The following VPS33B variants were observed in gnomAD, a reference collection of about 807,000 sequenced individuals.
The protein encoded by VPS33B is VPS33B late endosome and lysosome associated, also known as vacuolar protein sorting-associated protein 33B.
VPS33B carries 80 observed loss-of-function variants against 95.3 expected under a neutral mutation model. The ratio of observed to expected loss-of-function variants is 0.84; its 90% CI spans 0.70 to 1.01. VPS33B has a LOEUF of 1.01. Among genes scored for constraint, VPS33B ranks in the 50% least tolerant of loss-of-function variants. VPS33B has a pLI of 0.00. For missense variants in VPS33B, 715 were observed against 773.4 expected (o/e 0.92, Z 0.90); for synonymous variants, 280 against 280.4 (o/e 1.00, Z 0.01).
rs1406771267 is a variant in VPS33B, at chr15:91,015,722, T to G, written c.239+1241A>C. 6.6e-6 allele frequency among the ~76,000 whole-genome samples: 1 copy of G among 150,678 alleles called. No homozygotes were observed. The highest frequency in any genetic ancestry group is 1.5e-5 in the Non-Finnish European group (1 of 67,836). ...GCTGCACACTTGTAATCCCAGTTAC[T>G]CAGGAGACTGAGGTAGGAGGATCCC... On this transcript the variant is annotated intron_variant, in intron 3 of 22. Coordinates refer to ENST00000333371, the MANE Select transcript of VPS33B (RefSeq NM_018668.5). This position sits in a 1 kb window ranked among gnomAD's most constrained non-coding sequence, Gnocchi z 4.7.
In VPS33B at chr15:91,008,680, C is replaced by T. The variant is rs2040686993; in HGVS notation, c.404-716G>A. 2.6e-5 allele frequency among the ~76,000 whole-genome samples: 4 copies of T among 152,302 alleles called. No homozygotes were observed. The South Asian group carries it at 8.3e-4, about 32-fold the overall frequency. On this transcript the variant is annotated intron_variant, in intron 6 of 22. Transcript: ENST00000333371. Reference sequence around the variant, plus strand: ...CATGCTCCCAACCTTCTGGAGCTTACAGTCTAGTGAGGGAGACACACCAGA... The same window carrying T: ...CATGCTCCCAACCTTCTGGAGCTTATAGTCTAGTGAGGGAGACACACCAGA...
Position 91,022,503 on chromosome 15 carries a change from C to T in VPS33B, c.-254G>A. On this transcript the variant is annotated 5_prime_UTR_variant, in exon 1 of 23. Coordinates refer to ENST00000333371, the MANE Select transcript of VPS33B (RefSeq NM_018668.5). ...CTCGACCCTCCCTCCCTGATCCACT[C>T]TGCCCGTCAGCAGGATTCCGGTCTA... 5.2e-6 allele frequency: 2 copies of T among 384,914 alleles called. No homozygotes were observed. The highest frequency in any genetic ancestry group is 9.4e-6 in the Non-Finnish European group (2 of 212,474). 23.8% of individuals were successfully genotyped at this position (384,914 alleles called of 1,614,324 possible).
downstream of VPS33B, chr15:90,998,618 TC>T (rs2040341322): frequency 5.5e-6 from 2 of 363,184 alleles, no homozygotes; most frequent in Non-Finnish European, 1.1e-5. This position sits in a 1 kb window ranked among gnomAD's most constrained non-coding sequence, Gnocchi z 4.8. Context: ...TGTAGCAAGC[TC>T]CAATGGGCTT....
chr15:91,001,838 T>C (rs1388989716), intron 18 of VPS33B, among the ~76,000 whole-genome samples: 1 of 152,192 alleles, frequency 6.6e-6, no homozygotes. Context: ...CTTTGTGAGA[T>C]TAAATGAGAA....
Position 91,006,625 on chromosome 15 carries a change from CAAG to C in VPS33B, c.778+24_778+26del. ...AAGGCTGATGACCCGTCCATCTTGC[CAAG>C]ATGCAGAGGACCATAGCACTTACCA... On this transcript the variant is annotated intron_variant, in intron 10 of 22. Transcript: ENST00000333371. The surrounding 1 kb of genome is among the most constrained non-coding windows in gnomAD (Gnocchi z 5.4). 1 of 1,614,152 alleles carries C rather than the reference CAAG, an allele frequency of 6.2e-7. No homozygotes were observed. The highest frequency in any genetic ancestry group is 1.1e-5 in the South Asian group (1 of 91,086).
rs1043702493 is a variant in VPS33B at position 91,006,925 on chromosome 15, G to T, written c.700+25C>A. On this transcript the variant is annotated intron_variant, in intron 9 of 22. Transcript: ENST00000333371. The surrounding 1 kb of genome is among the most constrained non-coding windows in gnomAD (Gnocchi z 5.4). ...CCCGTGTCTTCTAGGGCTGAAAGAT[G>T]ACAGGAACGCTGGGCATAATTTACC... The T allele has an allele frequency of 5.6e-6, 9 of 1,613,278 alleles. No individual in the cohort carries two copies. Among genetic ancestry groups the T allele is most frequent in the Non-Finnish European group, 7.6e-6 (9 of 1,179,422 alleles).
In VPS33B at chr15:91,000,957, A is replaced by G; in HGVS notation, c.1480-366T>C. 2.8e-6 allele frequency: 1 copy of G among 362,756 alleles called. No homozygotes were observed. The highest frequency in any genetic ancestry group is 2.4e-5 in the South Asian group (1 of 41,898). 22.5% of individuals were successfully genotyped at this position (362,756 alleles called of 1,614,324 possible). On this transcript the variant is annotated intron_variant, in intron 19 of 22. Coordinates refer to ENST00000333371, the MANE Select transcript of VPS33B (RefSeq NM_018668.5). This position sits in a 1 kb window ranked among gnomAD's most constrained non-coding sequence, Gnocchi z 4.9. Reference sequence around the variant, plus strand: ...TAAATGAATGAATCTACCATGCTATAAGACTACCAAACAAAAGAATCTTTA... The same window carrying G: ...TAAATGAATGAATCTACCATGCTATGAGACTACCAAACAAAAGAATCTTTA...
Position 91,006,898 on chromosome 15 carries a change from T to G in VPS33B, c.700+52A>C. 2 of 1,611,094 alleles carry G rather than the reference T, an allele frequency of 1.2e-6. No individual in the cohort carries two copies. The highest frequency in any genetic ancestry group is 1.7e-6 in the Non-Finnish European group (2 of 1,177,360). ...TAACTTTGCCACCACGCCTTCCATA[T>G]TCCCGTGTCTTCTAGGGCTGAAAGA... On this transcript the variant is annotated intron_variant, in intron 9 of 22. Coordinates refer to ENST00000333371, the MANE Select transcript of VPS33B (RefSeq NM_018668.5). This position sits in a 1 kb window ranked among gnomAD's most constrained non-coding sequence, Gnocchi z 5.4.
chr15:91,009,598 G>A lies in VPS33B; in HGVS notation c.403+203C>T, dbSNP rs932101189. ...TGGGATTACAGGCATGAGCCACTGCGCCCAGCCCCCAGTAGTGTTCTAATT... is the reference window on the plus strand; with the variant it reads ...TGGGATTACAGGCATGAGCCACTGCACCCAGCCCCCAGTAGTGTTCTAATT... On this transcript the variant is annotated intron_variant, in intron 6 of 22. Coordinates refer to ENST00000333371, the MANE Select transcript of VPS33B (RefSeq NM_018668.5). The surrounding 1 kb of genome is among the most constrained non-coding windows in gnomAD (Gnocchi z 4.1). Among the ~76,000 whole-genome samples, 3 of 150,896 alleles carry A rather than the reference G, an allele frequency of 2.0e-5. No homozygotes were observed. The highest frequency in any genetic ancestry group is 2.1e-4 in the South Asian group (1 of 4,778).
Position 91,009,673 on chromosome 15 carries a change from C to G in VPS33B, c.403+128G>C. The stretch of plus-strand genomic sequence containing the variant: ...CTCAGGAACCTCTCCTCCTGCTACA[C>G]TAACAGGAATAAGACCAGGAAAAGA... On this transcript the variant is annotated intron_variant, in intron 6 of 22. Transcript: ENST00000333371. This position sits in a 1 kb window ranked among gnomAD's most constrained non-coding sequence, Gnocchi z 4.1. 2 of 968,074 alleles carry G rather than the reference C, an allele frequency of 2.1e-6. No individual in the cohort carries two copies. Among genetic ancestry groups the G allele is most frequent in the Non-Finnish European group, 3.1e-6 (2 of 654,616 alleles). 60.0% of individuals were successfully genotyped at this position (968,074 alleles called of 1,614,324 possible).
rs1012612971 is a variant in VPS33B, at chr15:91,015,350, T to A, written c.240-917A>T. On this transcript the variant is annotated intron_variant, in intron 3 of 22. Transcript: ENST00000333371. This position sits in a 1 kb window ranked among gnomAD's most constrained non-coding sequence, Gnocchi z 4.7. ...AAACTCCGTCTCAAAAAAAATAAAATAAAATAAAATAATAATAAATAATAA... is the reference window on the plus strand; with the variant it reads ...AAACTCCGTCTCAAAAAAAATAAAAAAAAATAAAATAATAATAAATAATAA... Among the ~76,000 whole-genome samples the A allele has an allele frequency of 3.4e-3, 517 of 150,692 alleles. 1 individual carries two copies. The highest frequency in any genetic ancestry group is 0.012 in the African/African-American group (491 of 41,074).
In VPS33B at chr15:91,022,574, A is replaced by G. The variant is rs11073967; in HGVS notation, c.-325T>C. On this transcript the variant is annotated 5_prime_UTR_variant, in exon 1 of 23. Coordinates refer to ENST00000333371, the MANE Select transcript of VPS33B (RefSeq NM_018668.5). ...GCGTACGAGGAGAACCCCGCCTTCT[A>G]CCAGAAAAAGAAGCGACTTCCTAGA... 120,877 of 221,892 alleles carry G rather than the reference A, an allele frequency of 0.54. 38,641 individuals carry two copies. Among genetic ancestry groups the G allele is most frequent in the East Asian group, 0.99 (11,645 of 11,704 alleles). The allele number at this position is 221,892 out of a possible 1,614,324, so 13.7% of individuals were successfully genotyped here. A position where few individuals can be genotyped will look rare whatever the true frequency, so the allele number is the denominator to read the frequency against.
rs1291562680 is a variant in VPS33B, at chr15:91,002,136, G to A, written c.1319C>T (p.Ala440Val). The A allele has an allele frequency of 4.3e-6, 7 of 1,614,094 alleles. No individual in the cohort carries two copies. Among genetic ancestry groups the A allele is most frequent in the Admixed American group, 1.7e-5 (1 of 60,004 alleles). Residue 440 changes from alanine to valine, a missense_variant, in exon 18 of 23, where the codon GCT (alanine) becomes GTT (valine). Coordinates refer to ENST00000333371, the MANE Select transcript of VPS33B (RefSeq NM_018668.5). The surrounding 1 kb of genome is among the most constrained non-coding windows in gnomAD (Gnocchi z 4.7). Reference sequence around the variant, plus strand: ...GGGGGCCTGCTCCGTTAGGAGCCCAGCTCTTCGCAGATTGGAGAAGGTTAG... The same window carrying A: ...GGGGGCCTGCTCCGTTAGGAGCCCAACTCTTCGCAGATTGGAGAAGGTTAG... ...HLLTFSNLRR[A>V]GLLTEQAPGD... is the part of the protein sequence containing the mutation.
upstream of VPS33B, chr15:91,022,610 G>A: frequency 5.8e-6 from 1 of 172,012 alleles, no homozygotes; most frequent in African/African-American, 2.4e-5. Flanking sequence ...TCTCCCGGAA[G>A]TCCCTTTCGC....
At position 91,011,504 on chromosome 15, in the gene VPS33B, A is replaced by G. The variant is rs986975907; in HGVS notation, c.358-1658T>C. On this transcript the variant is annotated intron_variant, in intron 5 of 22. Coordinates refer to ENST00000333371, the MANE Select transcript of VPS33B (RefSeq NM_018668.5). The surrounding 1 kb of genome is among the most constrained non-coding windows in gnomAD (Gnocchi z 5.5). ...TCCAGAGCCAGGTCTGAAAACTGCC[A>G]ATCTTCATAATTAACAAAGGAGTCT... is the stretch of plus-strand genomic sequence containing the variant. Among the ~76,000 whole-genome samples the G allele has an allele frequency of 6.6e-6, 1 of 152,244 alleles. No homozygotes were observed. Among genetic ancestry groups the G allele is most frequent in the African/African-American group, 2.4e-5 (1 of 41,470 alleles).
rs1162711794 is a variant in VPS33B at position 91,005,297 on chromosome 15, G to A, written c.1105+83C>T. On this transcript the variant is annotated intron_variant, in intron 14 of 22. Transcript: ENST00000333371. This position sits in a 1 kb window ranked among gnomAD's most constrained non-coding sequence, Gnocchi z 6.4. ...CCAGTGTCAGCTGGAAAGAGCCAGA[G>A]AACATCTTTTAAGGGTGGGACGGGG... 1 of 1,589,694 alleles carries A rather than the reference G, an allele frequency of 6.3e-7. No homozygotes were observed. The highest frequency in any genetic ancestry group is 8.6e-7 in the Non-Finnish European group (1 of 1,160,028).
At position 91,007,984 on chromosome 15, in the gene VPS33B, C is replaced by G. The variant is rs759113139; in HGVS notation, c.404-20G>C. 1.2e-6 allele frequency: 2 copies of G among 1,612,498 alleles called. No homozygotes were observed. Among genetic ancestry groups the G allele is most frequent in the Admixed American group, 1.7e-5 (1 of 60,018 alleles). ...TCACATCTGTGGGGACAGAGAGCAT[C>G]AGCCTCCCTGCAGAAGGTACTTAGC... On this transcript the variant is annotated intron_variant, in intron 6 of 22. Coordinates refer to ENST00000333371, the MANE Select transcript of VPS33B (RefSeq NM_018668.5). The surrounding 1 kb of genome is among the most constrained non-coding windows in gnomAD (Gnocchi z 5.3).
Position 91,000,102 on chromosome 15 carries a change from AGGTGTGGTGGCTCACGCCT to A in VPS33B, c.1582-146_1582-128del. On this transcript the variant is annotated intron_variant, in intron 20 of 22. Transcript: ENST00000333371. This position sits in a 1 kb window ranked among gnomAD's most constrained non-coding sequence, Gnocchi z 4.9. ...AGTAGCAAAAAGTTGAGACAGGGCC[AGGTGTGGTGGCTCACGCCT>A]GTAATTCCAACACTTTAGGAGTTTG... 1.7e-6 allele frequency: 2 copies of A among 1,186,158 alleles called. No homozygotes were observed. The highest frequency in any genetic ancestry group is 2.4e-6 in the Non-Finnish European group (2 of 816,624). 73.5% of individuals were successfully genotyped at this position (1,186,158 alleles called of 1,614,324 possible). A position where few individuals can be genotyped will look rare whatever the true frequency, so the allele number is the denominator to read the frequency against.
chr15:91,006,861 A>G lies in VPS33B; in HGVS notation c.700+89T>C. 6.3e-7 allele frequency: 1 copy of G among 1,598,284 alleles called. No homozygotes were observed. The highest frequency in any genetic ancestry group is 8.6e-7 in the Non-Finnish European group (1 of 1,165,986). On this transcript the variant is annotated intron_variant, in intron 9 of 22. Coordinates refer to ENST00000333371, the MANE Select transcript of VPS33B (RefSeq NM_018668.5). The surrounding 1 kb of genome is among the most constrained non-coding windows in gnomAD (Gnocchi z 5.4). ...CTCAAAGCTGGGATTCACAGCCCTA[A>G]CTTTAGGATTTTAACTTTGCCACCA...
Sources: allele counts gnomAD v4.1 joint callset (sites outside exome capture counted in the v4.1 genomes callset), GRCh38; gene constraint gnomAD v4.1.1; non-coding constraint Gnocchi (gnomAD v3.1); transcripts MANE v1.5; gene names NCBI Gene and HGNC (gene_info 2026-07-23, HGNC 2026-07-21).